ZNF536: variants seen among roughly 807,000 people sequenced by gnomAD.
The protein encoded by ZNF536 is zinc finger protein 536.
ZNF536 carries 13 observed loss-of-function variants against 84.5 expected under a neutral mutation model. The observed-to-expected ratio is 0.15, with a 90% CI of 0.10 to 0.24. The LOEUF is 0.24. Among genes scored for constraint, ZNF536 ranks in the 10% least tolerant of loss-of-function variants. The probability of loss-of-function intolerance (pLI) is 1.00; values close to 1 mark genes in which losing one functional copy is unlikely to be tolerated. For missense variants in ZNF536, 1,536 were observed against 1,747.5 expected, an observed-to-expected ratio of 0.88 and a Z score of 2.16; for synonymous variants, 811 against 742.5, an observed-to-expected ratio of 1.09 and a Z score of -1.50.
intron 2 of ZNF536, among the ~76,000 whole-genome samples, chr19:30,313,855 C>T (rs1206835933): frequency 2.0e-5 from 3 of 152,194 alleles, no homozygotes; most frequent in African/African-American, 7.2e-5. Context: ...CAGAGGAAGA[C>T]CCTGGAAGCC....
intron 2 of ZNF536, among the ~76,000 whole-genome samples, chr19:30,471,486 G>A (rs777878996): frequency 5.3e-5 from 8 of 152,208 alleles, no homozygotes; most frequent in African/African-American, 1.4e-4. Context: ...TGCACAGGTC[G>A]CAGTCCCATG....
intron 1 of ZNF536, among the ~76,000 whole-genome samples, chr19:30,581,898 C>T (rs1193589679): frequency 6.6e-6 from 1 of 152,184 alleles, no homozygotes; most frequent in Non-Finnish European, 1.5e-5. Flanking sequence ...CGTGCCACTG[C>T]ACTCCAGCCT....
At chr19:30,519,068 T>C (rs1275551948) in intron 2 of ZNF536, among the ~76,000 whole-genome samples, 1 of 152,146 alleles carries the variant, frequency 6.6e-6, no homozygotes, top group Non-Finnish European at 1.5e-5. Flanking sequence ...TCAGCAGAAG[T>C]ACCCAGGCAG....
chr19:30,255,376 G>T (rs1252077089), intron 1 of ZNF536, among the ~76,000 whole-genome samples: 2 of 152,162 alleles, frequency 1.3e-5, no homozygotes, highest in Admixed American at 6.5e-5. Context: ...ATGACCCTGC[G>T]AGAGTGGACA....
downstream of ZNF536, among the ~76,000 whole-genome samples, chr19:30,561,714 G>T (rs2046174963): frequency 6.6e-6 from 1 of 152,156 alleles, no homozygotes; most frequent in Admixed American, 6.5e-5. Context: ...GAAGGAGCCG[G>T]GGTATTTACA....
At chr19:30,680,571 A>T (rs1463112428) in intron 1 of ZNF536, among the ~76,000 whole-genome samples, 2 of 152,034 alleles carry the variant, frequency 1.3e-5, no homozygotes, top group Non-Finnish European at 2.9e-5. Flanking sequence ...GTCCCTACAA[A>T]GGACATGAAC....
chr19:30,642,143 T>C (rs997668282), intron 1 of ZNF536, among the ~76,000 whole-genome samples: 1 of 152,228 alleles, frequency 6.6e-6, no homozygotes, highest in Non-Finnish European at 1.5e-5. Context: ...GAATCCTATT[T>C]TAGATTGACT....
chr19:30,448,551 C>T (rs547654492), intron 2 of ZNF536, among the ~76,000 whole-genome samples: 46 of 152,302 alleles, frequency 3.0e-4, no homozygotes, highest in African/African-American at 1.0e-3. Flanking sequence ...TCTCAGACTG[C>T]ATAACAATGT....
rs1405976586 is a variant in ZNF536, at chr19:30,417,146, GTATTTTTTTT to G, written c.-2-26413_-2-26404del. On this transcript the variant is annotated intron_variant, in intron 1 of 4. Transcript: ENST00000355537. Reference sequence around the variant, plus strand: ...ATGCCACCACGCCAGGCTAATTTTTGTATTTTTTTTTTTTTTTTTTTTTTTTTTTTAGTAG... The same window carrying G: ...ATGCCACCACGCCAGGCTAATTTTTGTTTTTTTTTTTTTTTTTTTTAGTAG... Among the ~76,000 whole-genome samples, 6 of 85,204 alleles carry G rather than the reference GTATTTTTTTT, an allele frequency of 7.0e-5. No homozygotes were observed. The East Asian group carries it at 2.0e-3, about 28-fold the overall frequency. The allele number at this position is 85,204 out of a possible 152,430, so 55.9% of individuals were successfully genotyped here. A position where few individuals can be genotyped will look rare whatever the true frequency, so the allele number is the denominator to read the frequency against.
chr19:30,408,743 C>G (rs2050365151), intron 1 of ZNF536, among the ~76,000 whole-genome samples: 1 of 151,740 alleles, frequency 6.6e-6, no homozygotes, highest in Admixed American at 6.6e-5. Context: ...TCCATCGGTC[C>G]ATCTGTCCAT....
chr19:30,411,325 T>C (rs917747290), intron 1 of ZNF536, among the ~76,000 whole-genome samples: 1 of 149,426 alleles, frequency 6.7e-6, no homozygotes, highest in Non-Finnish European at 1.5e-5. Context: ...AGCTTTTTAG[T>C]TTTTTTTTGC....
At chr19:30,405,756 C>G (rs189565776) in intron 1 of ZNF536, among the ~76,000 whole-genome samples, 33 of 151,910 alleles carry the variant, frequency 2.2e-4, no homozygotes, top group Admixed American at 9.9e-4. Context: ...ATGTGGAGGC[C>G]CTTGATGCAG....
intron 2 of ZNF536, among the ~76,000 whole-genome samples, chr19:30,484,644 G>A (rs1165659473): frequency 2.0e-5 from 3 of 150,406 alleles, no homozygotes; most frequent in Non-Finnish European, 3.0e-5. Context: ...GTTTCTTTGA[G>A]CAAGTAGCGC....
At chr19:30,413,916 C>T (rs1196368050) in intron 1 of ZNF536, among the ~76,000 whole-genome samples, 1 of 151,600 alleles carries the variant, frequency 6.6e-6, no homozygotes, top group Non-Finnish European at 1.5e-5. Flanking sequence ...ATGGTGAAAC[C>T]CCCTGTCTCT....
At position 30,279,843 on chromosome 19, in the gene ZNF536, G is replaced by A. The variant is rs960286956; in HGVS notation, c.-189-4229G>A. On this transcript the variant is annotated intron_variant, in intron 1 of 5. Coordinates refer to the ZNF536 transcript ENST00000585628. ...CATGTCCTTCCCCGGGCAGAGGGCC[G>A]AAGGAGCCGGACTGGCTTTCTCTCC... 2.0e-5 allele frequency among the ~76,000 whole-genome samples: 3 copies of A among 152,168 alleles called. No individual in the cohort carries two copies. In the East Asian group the frequency reaches 5.8e-4, roughly 29 times the overall value.
chr19:30,632,951 G>C (rs1178503030), intron 1 of ZNF536, among the ~76,000 whole-genome samples: 2 of 152,210 alleles, frequency 1.3e-5, no homozygotes, highest in Non-Finnish European at 2.9e-5. Flanking sequence ...AGGAGGAAGA[G>C]GGCTGTGGAT....
intron 2 of ZNF536, among the ~76,000 whole-genome samples, chr19:30,317,143 T>G (rs953601177): frequency 3.9e-5 from 6 of 152,230 alleles, no homozygotes; most frequent in Admixed American, 3.9e-4. Context: ...TATAAACACC[T>G]ACAGCCACCC....
intron 2 of ZNF536, among the ~76,000 whole-genome samples, chr19:30,484,226 ATTTTT>A (rs554903479): frequency 1.6e-5 from 2 of 122,030 alleles, no homozygotes; most frequent in Non-Finnish European, 3.5e-5. Flanking sequence ...TCTCATTTTG[ATTTTT>A]TTTTTTTTTT....
rs36068422 is a variant in ZNF536, at chr19:30,499,033, C to CTT, written c.2171-35802_2171-35801dup. Among the ~76,000 whole-genome samples, 321 of 134,464 alleles carry CTT rather than the reference C, an allele frequency of 2.4e-3. 1 individual carries two copies. Among genetic ancestry groups the CTT allele is most frequent in the African/African-American group, 7.9e-3 (302 of 38,074 alleles). The allele number at this position is 134,464 out of a possible 152,430, so 88.2% of individuals were successfully genotyped here. On this transcript the variant is annotated intron_variant, in intron 2 of 4. Coordinates refer to ENST00000355537, the MANE Select transcript of ZNF536 (RefSeq NM_014717.3). ...CTCTTATTTGGTACTTCTTTTTCTT[C>CTT]TTTTTTTTTTTTTCAAATGCCATTG...
Sources: allele counts gnomAD v4.1 joint callset (sites outside exome capture counted in the v4.1 genomes callset), GRCh38; gene constraint gnomAD v4.1.1; transcripts MANE v1.5; gene names NCBI Gene and HGNC (gene_info 2026-07-23, HGNC 2026-07-21).